The following DNAH11 variants were observed in gnomAD, a reference collection of about 807,000 sequenced individuals.
DNAH11 encodes axonemal beta dynein heavy chain 11.
A neutral mutation model predicts 526.0 loss-of-function variants in DNAH11; 442 were observed. The ratio of observed to expected loss-of-function variants is 0.84; its 90% CI spans 0.78 to 0.91. The LOEUF is 0.91. Among genes scored for constraint, DNAH11 ranks in the 40% least tolerant of loss-of-function variants. The pLI, the probability that DNAH11 is intolerant of heterozygous loss-of-function variation, is 0.00. For missense variants in DNAH11, 6,989 were observed against 5,448.7 expected, an observed-to-expected ratio of 1.28 and a Z score of -8.90; for synonymous variants, 2,461 against 1,935.9, an observed-to-expected ratio of 1.27 and a Z score of -7.12.
In DNAH11 at chr7:21,600,777, G is replaced by A; in HGVS notation, c.3102G>A (p.Leu1034=). 6.2e-7 allele frequency: 1 copy of A among 1,613,818 alleles called. No individual in the cohort carries two copies. The highest frequency in any genetic ancestry group is 8.5e-7 in the Non-Finnish European group (1 of 1,179,826). The change falls in exon 16 of 82, where the codon CTG becomes CTA. Residue 1034 remains leucine (L), a synonymous_variant. Transcript: ENST00000409508. ...INKVLDFRNT[L]ETHTYLWVDD... ...AAGTCTTAGATTTCAGAAACACCCT[G>A]GAGACCCACACTTACCTCTGGGTGG...
chr7:21,579,057 C>T (rs1168708341), intron 8 of DNAH11, among the ~76,000 whole-genome samples: 1 of 152,202 alleles, frequency 6.6e-6, no homozygotes, highest in African/African-American at 2.4e-5. Context: ...GCTTATTGCA[C>T]TTGCCTCCAA....
intron 75 of DNAH11, among the ~76,000 whole-genome samples, chr7:21,882,839 T>C (rs955276346): frequency 5.3e-5 from 8 of 151,996 alleles, no homozygotes; most frequent in African/African-American, 1.2e-4. Flanking sequence ...TAAATAATTA[T>C]TGAAAAGAAC....
At chr7:21,546,554 T>C (rs1395081698) in intron 2 of DNAH11, among the ~76,000 whole-genome samples, 1 of 152,224 alleles carries the variant, frequency 6.6e-6, no homozygotes, top group Non-Finnish European at 1.5e-5. Flanking sequence ...TTCAAATTTC[T>C]CTACTCTTTC....
At position 21,759,660 on chromosome 7, in the gene DNAH11, A is replaced by G. The variant is rs556020099; in HGVS notation, c.8941-5768A>G. Among the ~76,000 whole-genome samples, 10 of 152,024 alleles carry G rather than the reference A, an allele frequency of 6.6e-5. No individual in the cohort carries two copies. The South Asian group carries it at 1.0e-3, about 16-fold the overall frequency. On this transcript the variant is annotated intron_variant, in intron 54 of 81. Transcript: ENST00000409508. ...GTAAATATGTAGGAGGGTTACTACC[A>G]TCTGAGAATAAACTATATCAACTGG... is the stretch of plus-strand genomic sequence containing the variant.
intron 28 of DNAH11, among the ~76,000 whole-genome samples, chr7:21,643,511 T>C (rs566971374): frequency 1.3e-4 from 20 of 152,246 alleles, no homozygotes; most frequent in Non-Finnish European, 2.8e-4. Flanking sequence ...GCTCTACTTG[T>C]GCTTCTCATG....
At position 21,742,035 on chromosome 7, in the gene DNAH11, A is replaced by G. The variant is rs72657364; in HGVS notation, c.8023A>G (p.Ile2675Val). The G allele has an allele frequency of 1.6e-3, 2,600 of 1,613,914 alleles. 9 individuals are homozygous for G. The highest frequency in any genetic ancestry group is 9.6e-3 in the East Asian group (430 of 44,880). ...HFQQQAFAPS[I>V]LRSGPTLIQA... ...CCAACAGCAAGCATTTGCTCCATCA[A>G]TTCTCAGGAGTGGCCCCACTTTGAT... The change falls in exon 49 of 82, where the codon ATT (isoleucine) becomes GTT (valine). Residue 2675 changes from isoleucine (I) to valine (V), a missense_variant. Physicochemically the swap from Ile to Val is conservative, Grantham distance 29. Transcript: ENST00000409508.
chr7:21,675,535 A>T (rs1412112457), intron 30 of DNAH11, among the ~76,000 whole-genome samples: 1 of 152,298 alleles, frequency 6.6e-6, no homozygotes, highest in Middle Eastern at 3.4e-3. Flanking sequence ...AAACAATTTT[A>T]ATTATTTATC....
At chr7:21,722,280 G>A (rs997999516) in intron 44 of DNAH11, among the ~76,000 whole-genome samples, 1 of 152,138 alleles carries the variant, frequency 6.6e-6, no homozygotes, top group Admixed American at 6.5e-5. Flanking sequence ...TCCCACCCAA[G>A]TGTGTCTTTC....
chr7:21,686,900 TTAGACAGC>T (rs1280192067), intron 32 of DNAH11, among the ~76,000 whole-genome samples, 191 bp from the exon 33 acceptor site: 2 of 152,220 alleles, frequency 1.3e-5, no homozygotes, highest in Non-Finnish European at 2.9e-5. Flanking sequence ...TCTAGTATTT[TTAGACAGC>T]TAGCCTAAAA....
intron 25 of DNAH11, among the ~76,000 whole-genome samples, chr7:21,630,843 T>C (rs1313599887): frequency 6.6e-6 from 1 of 152,210 alleles, no homozygotes; most frequent in Non-Finnish European, 1.5e-5. Flanking sequence ...GACCTTTTTG[T>C]ACCTGGATAT....
intron 69 of DNAH11, among the ~76,000 whole-genome samples, chr7:21,862,251 A>G (rs1783093700): frequency 6.6e-6 from 1 of 151,396 alleles, no homozygotes; most frequent in Admixed American, 6.6e-5. Context: ...TGGGGTGGGT[A>G]TACACATTAT....
intron 65 of DNAH11, among the ~76,000 whole-genome samples, chr7:21,825,756 G>T (rs1486224499): frequency 6.6e-6 from 1 of 151,938 alleles, no homozygotes; most frequent in African/African-American, 2.4e-5. Context: ...TCAGGAGATC[G>T]AGACCAACCT....
intron 54 of DNAH11, among the ~76,000 whole-genome samples, chr7:21,762,701 C>T (rs1384268914): frequency 1.3e-5 from 2 of 151,922 alleles, no homozygotes; most frequent in African/African-American, 2.4e-5. Context: ...AATGTTAAAC[C>T]ACATGCAAAA....
At chr7:21,872,454 T>C (rs1274207811) in intron 73 of DNAH11, among the ~76,000 whole-genome samples, 2 of 152,234 alleles carry the variant, frequency 1.3e-5, no homozygotes, top group Admixed American at 6.5e-5. Flanking sequence ...TTAAATGTTT[T>C]TCTTTGTTGG....
At chr7:21,639,844 A>G (rs535121208) in intron 28 of DNAH11, among the ~76,000 whole-genome samples, 37 of 151,744 alleles carry the variant, frequency 2.4e-4, no homozygotes, top group Non-Finnish European at 5.3e-4. Context: ...AGCTTGTGCT[A>G]TATAATTGTG....
rs114212004 is a variant in DNAH11 at position 21,770,300 on chromosome 7, A to G, written c.9103-3466A>G. Among the ~76,000 whole-genome samples the G allele has an allele frequency of 3.0e-3, 457 of 152,334 alleles. 2 individuals are homozygous for G. The highest frequency in any genetic ancestry group is 0.011 in the African/African-American group (440 of 41,574). Reference sequence around the variant, plus strand: ...AACACAAAATTCATTTTTGTTTTATATACTCCTTATGCACATAGTGCAAAG... The same window carrying G: ...AACACAAAATTCATTTTTGTTTTATGTACTCCTTATGCACATAGTGCAAAG... On this transcript the variant is annotated intron_variant, in intron 55 of 81. Transcript: ENST00000409508.
intron 76 of DNAH11, among the ~76,000 whole-genome samples, chr7:21,886,607 C>T (rs1414754473): frequency 6.6e-6 from 1 of 152,048 alleles, no homozygotes; most frequent in Non-Finnish European, 1.5e-5. Context: ...GGCATGCGAC[C>T]TTTACAGAGG....
intron 28 of DNAH11, among the ~76,000 whole-genome samples, chr7:21,653,825 T>C (rs1781891745): frequency 1.3e-5 from 2 of 152,206 alleles, no homozygotes; most frequent in Admixed American, 1.3e-4. Flanking sequence ...AAACTGCATG[T>C]ACAGCAAAAA....
intron 42 of DNAH11, among the ~76,000 whole-genome samples, chr7:21,712,811 C>A (rs1293703677): frequency 6.6e-6 from 1 of 152,142 alleles, no homozygotes; most frequent in African/African-American, 2.4e-5. Flanking sequence ...TTAGCAGTTA[C>A]ATTTAAGGCT....
Sources: allele counts gnomAD v4.1 joint callset (sites outside exome capture counted in the v4.1 genomes callset), GRCh38; gene constraint gnomAD v4.1.1; transcripts MANE v1.5; gene names NCBI Gene and HGNC (gene_info 2026-07-23, HGNC 2026-07-21).